CSMD1: variants seen among roughly 807,000 people sequenced by gnomAD.
CSMD1 encodes CUB and sushi domain-containing protein 1.
In CSMD1, 213 loss-of-function variants were observed where a neutral mutation model predicts 417.5. The ratio of observed to expected loss-of-function variants is 0.51; its 90% CI spans 0.46 to 0.57. CSMD1 has a LOEUF of 0.57. Among genes scored for constraint, CSMD1 ranks in the 20% least tolerant of loss-of-function variants. The pLI is 0.00. For missense variants in CSMD1, 6,923 were observed against 4,529.7 expected, an observed-to-expected ratio of 1.53 and a Z score of -15.17; for synonymous variants, 2,862 against 1,736.8, an observed-to-expected ratio of 1.65 and a Z score of -16.11.
In CSMD1 at chr8:3,651,113, C is replaced by T. The variant is rs902792470; in HGVS notation, c.1010-34316G>A. Among the ~76,000 whole-genome samples, 9 of 152,318 alleles carry T rather than the reference C, an allele frequency of 5.9e-5. No homozygotes were observed. The East Asian group carries it at 1.7e-3, about 29-fold the overall frequency. On this transcript the variant is annotated intron_variant, in intron 7 of 69. Transcript: ENST00000635120. ...ACAATGGCCGTTTATCACCATCTGT[C>T]AGTATCTTGTCTTGATTACAGCAGT...
chr8:3,396,855 G>C (rs904065838), intron 16 of CSMD1, among the ~76,000 whole-genome samples: 2 of 151,966 alleles, frequency 1.3e-5, no homozygotes, highest in Non-Finnish European at 1.5e-5. Context: ...CATTAAAAAT[G>C]TGTGATGAGT....
chr8:3,449,245 A>T (rs1815528086), intron 12 of CSMD1, among the ~76,000 whole-genome samples: 1 of 152,234 alleles, frequency 6.6e-6, no homozygotes, highest in South Asian at 2.1e-4. Flanking sequence ...GGAAGTTAAA[A>T]TTAAACAGGC....
chr8:4,950,406 G>C (rs933582418), intron 1 of CSMD1, among the ~76,000 whole-genome samples: 3 of 152,064 alleles, frequency 2.0e-5, no homozygotes, highest in Admixed American at 1.3e-4. Context: ...CCACAAACAA[G>C]CGTTTTTAGA....
At chr8:4,509,520 G>A (rs1055459457) in intron 2 of CSMD1, among the ~76,000 whole-genome samples, 1 of 152,168 alleles carries the variant, frequency 6.6e-6, no homozygotes, top group African/African-American at 2.4e-5. Flanking sequence ...GCTACCTCCT[G>A]TAATAGAGAG....
At chr8:4,578,722 G>C (rs1388274123) in intron 2 of CSMD1, among the ~76,000 whole-genome samples, 1 of 146,762 alleles carries the variant, frequency 6.8e-6, no homozygotes, top group Admixed American at 6.9e-5. Context: ...GCTGAGGCAA[G>C]ATAATTGCTT....
intron 1 of CSMD1, among the ~76,000 whole-genome samples, chr8:4,931,541 T>G (rs1028760626): frequency 3.3e-5 from 5 of 151,620 alleles, no homozygotes; most frequent in African/African-American, 1.2e-4. Context: ...GTGACTGCCT[T>G]GGAGGATCAC....
intron 28 of CSMD1, among the ~76,000 whole-genome samples, 166 bp from the exon 29 acceptor site, chr8:3,219,608 T>C (rs1277838482): frequency 1.3e-5 from 2 of 152,172 alleles, no homozygotes; most frequent in Non-Finnish European, 2.9e-5. Context: ...ATTAATAAAA[T>C]AGCAATAGTA....
Position 3,986,824 on chromosome 8 carries a change from C to T in CSMD1, c.818+11079G>A, listed in dbSNP as rs1047507259. Among the ~76,000 whole-genome samples, 40 of 151,972 alleles carry T rather than the reference C, an allele frequency of 2.6e-4. 2 individuals carry two copies. Among genetic ancestry groups the T allele is most frequent in the African/African-American group, 7.3e-4 (30 of 41,370 alleles). On this transcript the variant is annotated intron_variant, in intron 5 of 69. Coordinates refer to ENST00000635120, the MANE Select transcript of CSMD1 (RefSeq NM_033225.6). ...AGGCTGGAATGCAGTGATGCGATCT[C>T]GGCTCACTGCAATCTCTGCTCCCAG...
intron 3 of CSMD1, among the ~76,000 whole-genome samples, chr8:4,367,581 C>G (rs1357575446): frequency 6.6e-6 from 1 of 151,902 alleles, no homozygotes; most frequent in East Asian, 1.9e-4. Context: ...AATGGTTTTT[C>G]TTTTTCTAAT....
chr8:4,412,371 C>T (rs958530391), intron 3 of CSMD1, among the ~76,000 whole-genome samples: 1 of 152,108 alleles, frequency 6.6e-6, no homozygotes, highest in Non-Finnish European at 1.5e-5. Context: ...TCACTCCTCC[C>T]CTTGCTTCCG....
intron 3 of CSMD1, among the ~76,000 whole-genome samples, chr8:4,413,339 A>T (rs547830972): frequency 6.6e-6 from 1 of 152,164 alleles, no homozygotes; most frequent in South Asian, 2.1e-4. Flanking sequence ...TGCCCAAACC[A>T]ATTCTATCAT....
intron 2 of CSMD1, among the ~76,000 whole-genome samples, chr8:4,589,486 T>G (rs1799880050): frequency 1.3e-5 from 2 of 152,196 alleles, no homozygotes; most frequent in Non-Finnish European, 2.9e-5. Context: ...TGCTGATCAG[T>G]GCCTGCGAGA....
At chr8:3,617,289 G>C (rs577375022) in intron 7 of CSMD1, among the ~76,000 whole-genome samples, 1 of 152,086 alleles carries the variant, frequency 6.6e-6, no homozygotes, top group East Asian at 1.9e-4. Context: ...ACCCATAATG[G>C]TTTCTTTGTT....
chr8:4,402,684 G>C (rs1308840692), intron 3 of CSMD1, among the ~76,000 whole-genome samples: 46 of 151,830 alleles, frequency 3.0e-4, no homozygotes, highest in Admixed American at 3.0e-3. Flanking sequence ...ACTTCATGGA[G>C]AAAATAGAAG....
chr8:4,185,676 C>T (rs1798629457), intron 3 of CSMD1, among the ~76,000 whole-genome samples: 1 of 152,040 alleles, frequency 6.6e-6, no homozygotes, highest in Non-Finnish European at 1.5e-5. Context: ...CGTAAATGCC[C>T]AATGAATGTC....
chr8:4,193,683 A>T (rs922001306), intron 3 of CSMD1, among the ~76,000 whole-genome samples: 8 of 152,186 alleles, frequency 5.3e-5, no homozygotes, highest in African/African-American at 1.9e-4. Flanking sequence ...CCACAGCTCA[A>T]CAAAGATAAA....
chr8:4,931,824 G>C (rs916057835), intron 1 of CSMD1, among the ~76,000 whole-genome samples: 6 of 152,148 alleles, frequency 3.9e-5, no homozygotes, highest in African/African-American at 1.2e-4. Flanking sequence ...CTTGTTAAGA[G>C]TTTTAAAATG....
intron 2 of CSMD1, among the ~76,000 whole-genome samples, chr8:4,539,043 A>T (rs1338939727): frequency 1.3e-5 from 2 of 152,220 alleles, no homozygotes; most frequent in Non-Finnish European, 2.9e-5. Context: ...CTCCATTGCC[A>T]GTGTTAGGTG....
chr8:3,483,466 A>G (rs1278104537), intron 11 of CSMD1, among the ~76,000 whole-genome samples: 1 of 152,106 alleles, frequency 6.6e-6, no homozygotes. Flanking sequence ...GTCCTTTATT[A>G]TAGAAATTAA....
Sources: gnomAD v4.1 joint callset for allele counts (sites outside exome capture counted in the v4.1 genomes callset) on GRCh38, gnomAD v4.1.1 for gene constraint, MANE v1.5 for transcripts, NCBI Gene and HGNC (gene_info 2026-07-23, HGNC 2026-07-21) for gene names.